The following SPATA18 variants were observed in gnomAD, a reference collection of about 807,000 sequenced individuals.
SPATA18 encodes spermatogenesis associated 18.
In SPATA18, 54 loss-of-function variants were observed where a neutral mutation model predicts 68.1. The observed-to-expected ratio is 0.79, with a 90% CI of 0.64 to 0.99. The LOEUF (loss-of-function observed/expected upper bound fraction) is 0.99. Among genes scored for constraint, SPATA18 ranks in the 50% least tolerant of loss-of-function variants. The pLI is 0.00. For synonymous variants in SPATA18, 242 were observed against 244.8 expected, an observed-to-expected ratio of 0.99 and a Z score of 0.11; for missense variants, 724 against 681.1, an observed-to-expected ratio of 1.06 and a Z score of -0.70.
At chr4:52,070,111 G>A (rs73815292) in intron 5 of SPATA18, among the ~76,000 whole-genome samples, 195 bp downstream of exon 5, 55 of 151,442 alleles carry the variant, frequency 3.6e-4, no homozygotes, top group African/African-American at 1.3e-3. Flanking sequence ...GTACAACGTA[G>A]TATAAAGGCA....
chr4:52,061,429 C>T (rs538979629), intron 3 of SPATA18, among the ~76,000 whole-genome samples: 12 of 151,246 alleles, frequency 7.9e-5, no homozygotes, highest in Middle Eastern at 3.4e-3. Context: ...CCATGGCACA[C>T]GTATACCTAT....
chr4:52,062,180 C>G (rs1006001633), intron 3 of SPATA18, 40 bp from the exon 4 acceptor site: 15 of 1,205,180 alleles, frequency 1.2e-5, no homozygotes, highest in Non-Finnish European at 1.6e-5. Flanking sequence ...TTAATGTATT[C>G]AGACTGTTTT....
intron 11 of SPATA18, among the ~76,000 whole-genome samples, chr4:52,091,186 A>C (rs2109537837): frequency 6.6e-6 from 1 of 152,096 alleles, no homozygotes; most frequent in South Asian, 2.1e-4. Context: ...TAGCAATTCG[A>C]CTAACCTTTT....
intron 5 of SPATA18, among the ~76,000 whole-genome samples, chr4:52,070,686 A>G (rs543846957): frequency 1.3e-5 from 2 of 152,320 alleles, no homozygotes; most frequent in Middle Eastern, 3.4e-3. Flanking sequence ...AAGTATAATA[A>G]TAATAAAATA....
At chr4:52,085,472 TG>T (rs1482389796) in intron 11 of SPATA18, among the ~76,000 whole-genome samples, 1 of 152,208 alleles carries the variant, frequency 6.6e-6, no homozygotes, top group African/African-American at 2.4e-5. Flanking sequence ...AAGGTTTTTT[TG>T]TGTGTATTAG....
intron 4 of SPATA18, among the ~76,000 whole-genome samples, chr4:52,068,550 G>T (rs1739523854): frequency 2.6e-5 from 4 of 152,214 alleles, no homozygotes; most frequent in African/African-American, 9.6e-5. Context: ...GAGGAAGCAG[G>T]TGGGGGATGG....
intron 11 of SPATA18, among the ~76,000 whole-genome samples, chr4:52,093,970 A>C (rs1742201341): frequency 6.6e-6 from 1 of 152,188 alleles, no homozygotes; most frequent in Admixed American, 6.5e-5. Context: ...GTCTTGATTC[A>C]TCCAGAATGG....
At position 52,084,899 on chromosome 4, in the gene SPATA18, T is replaced by C. The variant is rs892567474; in HGVS notation, c.1480-17T>C. 3.8e-5 allele frequency: 62 copies of C among 1,613,134 alleles called. No homozygotes were observed. Among genetic ancestry groups the C allele is most frequent in the Non-Finnish European group, 4.8e-5 (57 of 1,179,362 alleles). ...AAACTCCTGACTATGTCTCTCTCTTTCTCTCTCTTTTTTAAGTGGAATTCG... is the reference window on the plus strand; with the variant it reads ...AAACTCCTGACTATGTCTCTCTCTTCCTCTCTCTTTTTTAAGTGGAATTCG... On this transcript the variant is annotated splice_polypyrimidine_tract_variant and intron_variant, in intron 10 of 12. Transcript: ENST00000295213.
intron 6 of SPATA18, among the ~76,000 whole-genome samples, chr4:52,073,228 C>T (rs974018407): frequency 6.6e-6 from 1 of 152,130 alleles, no homozygotes; most frequent in African/African-American, 2.4e-5. Flanking sequence ...TTGGAAAACA[C>T]CATAAGTAAG....
At chr4:52,092,654 A>G (rs1578208340) in intron 11 of SPATA18, among the ~76,000 whole-genome samples, 1 of 152,194 alleles carries the variant, frequency 6.6e-6, no homozygotes, top group South Asian at 2.1e-4. Context: ...GTTTCTATTC[A>G]GCCATCTTGA....
chr4:52,084,496 G>A (rs956671087), intron 10 of SPATA18, among the ~76,000 whole-genome samples: 1 of 152,132 alleles, frequency 6.6e-6, no homozygotes, highest in African/African-American at 2.4e-5. Context: ...TTCATCCAAT[G>A]ATATTTATTT....
At chr4:52,058,646 C>T (rs1297742102) in intron 1 of SPATA18, among the ~76,000 whole-genome samples, 1 of 152,160 alleles carries the variant, frequency 6.6e-6, no homozygotes, top group Non-Finnish European at 1.5e-5. Flanking sequence ...CCCAGGAATA[C>T]TCAAGGGTCC....
At chr4:52,094,486 C>T (rs749359896) in intron 11 of SPATA18, 41 bp from the exon 12 acceptor site, 36 of 1,590,034 alleles carry the variant, frequency 2.3e-5, no homozygotes, top group Admixed American at 5.0e-5. Flanking sequence ...CTTTGAGCTC[C>T]GTCTACTATG....
chr4:52,088,772 G>A (rs374829835), intron 11 of SPATA18, among the ~76,000 whole-genome samples: 33 of 152,256 alleles, frequency 2.2e-4, no homozygotes, highest in African/African-American at 7.9e-4. Flanking sequence ...GCCAGGTTTT[G>A]GTGTCAGGAT....
chr4:52,071,859 C>T, intron 5 of SPATA18, 58 bp from the exon 6 acceptor site: 1 of 1,551,940 alleles, frequency 6.4e-7, no homozygotes, highest in Admixed American at 1.9e-5. Context: ...TCCTTCCTTC[C>T]TTCACTCCCT....
At chr4:52,094,071 G>A (rs1235545848) in intron 11 of SPATA18, among the ~76,000 whole-genome samples, 2 of 152,168 alleles carry the variant, frequency 1.3e-5, no homozygotes, top group East Asian at 3.8e-4. Context: ...GACCGGCTAT[G>A]TCACTGACTT....
intron 10 of SPATA18, chr4:52,082,953 T>C: frequency 1.0e-6 from 1 of 985,252 alleles, no homozygotes; most frequent in African/African-American, 1.7e-5. Flanking sequence ...TGGTATGATG[T>C]GTATGGAGGG....
Position 52,096,136 on chromosome 4 carries a change from G to C in SPATA18, c.*1249G>C, listed in dbSNP as rs1742400688. The C allele has an allele frequency of 6.6e-6, 1 of 152,078 alleles. No individual in the cohort carries two copies. The highest frequency in any genetic ancestry group is 2.4e-5 in the African/African-American group (1 of 41,398). The allele number at this position is 152,078 out of a possible 1,614,324, so 9.4% of individuals were successfully genotyped here. On this transcript the variant is annotated 3_prime_UTR_variant, in exon 13 of 13. Coordinates refer to ENST00000295213, the MANE Select transcript of SPATA18 (RefSeq NM_145263.4). ...CTTACCCCTGTGCTGGAGGTTTGAG[G>C]GACCTCTTCAGTGCCTGCCCCTTGA...
intron 1 of SPATA18, among the ~76,000 whole-genome samples, chr4:52,053,590 A>G (rs1371774460): frequency 3.3e-5 from 5 of 152,186 alleles, no homozygotes; most frequent in African/African-American, 1.2e-4. Context: ...AATGCTATTG[A>G]AATGCTCAGA....
Sources: gnomAD v4.1 joint callset for allele counts (sites outside exome capture counted in the v4.1 genomes callset) on GRCh38, gnomAD v4.1.1 for gene constraint, MANE v1.5 for transcripts, NCBI Gene and HGNC (gene_info 2026-07-23, HGNC 2026-07-21) for gene names.